Variants in ZFP14 observed in about 807,000 individuals in gnomAD.
The protein encoded by ZFP14 is zinc finger protein 14 homolog.
Under a neutral mutation model 54.5 loss-of-function variants are expected in ZFP14, and 22 were observed. The observed-to-expected ratio is 0.40, with a 90% confidence interval of 0.29 to 0.58. The LOEUF is 0.58. ZFP14 is among the 20% of genes least tolerant of loss of function. ZFP14 has a pLI of 0.39. For missense variants in ZFP14, 470 were observed against 637.8 expected, an observed-to-expected ratio of 0.74 and a Z score of 2.83; for synonymous variants, 159 against 204.0, an observed-to-expected ratio of 0.78 and a Z score of 1.88.
chr19:36,363,294 C>T (rs2031740289), intron 2 of ZFP14, among the ~76,000 whole-genome samples: 1 of 149,568 alleles, frequency 6.7e-6, no homozygotes, highest in African/African-American at 2.5e-5. Context: ...CCCAGGTTCA[C>T]GCCATTCTCC....
intron 4 of ZFP14, among the ~76,000 whole-genome samples, chr19:36,349,231 CAAAAAAAAAAACAAAAAAAAAAAAACAA>C (rs1305952115): frequency 4.7e-4 from 2 of 4,264 alleles, no homozygotes; most frequent in African/African-American, 1.8e-3. Context: ...AACTCTGTCT[CAAAAAAAAAAACAAAAAAAAAAAAACAA>C]AAAAAAAAAA....
chr19:36,340,210 A>ATAAT lies in ZFP14; in HGVS notation c.*13_*14insATTA. 6.5e-7 allele frequency: 1 copy of ATAAT among 1,542,188 alleles called. No homozygotes were observed. The highest frequency in any genetic ancestry group is 8.7e-7 in the Non-Finnish European group (1 of 1,146,808). ...TGTTCTGTAACATCATATACATTTG[A>ATAAT]AGGCTTTCTTCTATTAAATTCCATT... On this transcript the variant is annotated 3_prime_UTR_variant, in exon 5 of 5. Coordinates refer to ENST00000270001, the MANE Select transcript of ZFP14 (RefSeq NM_020917.3). The surrounding 1 kb of genome is among the most constrained non-coding windows in gnomAD (Gnocchi z 5.4).
At chr19:36,363,336 C>G (rs2031740955) in intron 2 of ZFP14, among the ~76,000 whole-genome samples, 1 of 151,526 alleles carries the variant, frequency 6.6e-6, no homozygotes, top group Non-Finnish European at 1.5e-5. Flanking sequence ...TGGGACTACA[C>G]GCATCCGCCA....
intron 4 of ZFP14, among the ~76,000 whole-genome samples, chr19:36,346,673 G>A (rs2031421013): frequency 6.6e-6 from 1 of 152,126 alleles, no homozygotes; most frequent in Non-Finnish European, 1.5e-5. Flanking sequence ...GGCCAGGATG[G>A]TCTTGATCTA....
In ZFP14 at chr19:36,341,005, T is replaced by C; in HGVS notation, c.821A>G (p.His274Arg). 1 of 1,614,208 alleles carries C rather than the reference T, an allele frequency of 6.2e-7. No homozygotes were observed. The highest frequency in any genetic ancestry group is 8.5e-7 in the Non-Finnish European group (1 of 1,180,038). The part of the protein sequence containing the change: ...AFRVHQQLAR[H>R]QRIHTGEKPY... ...TTTCTCACCAGTGTGAATTCTCTGA[T>C]GTCGAGCCAGTTGCTGATGTACTCT... The change falls in exon 5 of 5, where the codon CAT (histidine) becomes CGT (arginine). Residue 274 changes from histidine (H) to arginine (R), a missense_variant. Transcript: ENST00000270001. The surrounding 1 kb of genome is among the most constrained non-coding windows in gnomAD (Gnocchi z 4.2).
intron 4 of ZFP14, among the ~76,000 whole-genome samples, chr19:36,349,650 G>C (rs1175543186): frequency 6.9e-6 from 1 of 145,334 alleles, no homozygotes; most frequent in Admixed American, 7.3e-5. Flanking sequence ...CTGGGTCGCA[G>C]AGCAAGACTC....
intron 4 of ZFP14, among the ~76,000 whole-genome samples, chr19:36,350,925 C>T (rs1410328274): frequency 7.0e-6 from 1 of 142,706 alleles, no homozygotes; most frequent in African/African-American, 2.6e-5. Flanking sequence ...CTATTCTCCA[C>T]AAAAATAAAG....
At chr19:36,378,750 A>C (rs2032002551) in intron 1 of ZFP14, 1 of 152,096 alleles carries the variant, frequency 6.6e-6, no homozygotes, top group Non-Finnish European at 1.5e-5. Context: ...CCCTCCGTCT[A>C]CTGCGCGCAA....
chr19:36,375,892 C>T (rs1176330549), intron 1 of ZFP14, among the ~76,000 whole-genome samples: 1 of 151,606 alleles, frequency 6.6e-6, no homozygotes, highest in Non-Finnish European at 1.5e-5. Context: ...GGGGTTTCGC[C>T]ATTTTGGCCA....
intron 1 of ZFP14, among the ~76,000 whole-genome samples, chr19:36,373,682 T>G (rs1379282164): frequency 5.9e-5 from 9 of 151,964 alleles, no homozygotes; most frequent in Non-Finnish European, 1.2e-4. Context: ...AAAAATAATT[T>G]TAATACTAAA....
chr19:36,350,889 G>A (rs1312910625), intron 4 of ZFP14, among the ~76,000 whole-genome samples: 2 of 143,066 alleles, frequency 1.4e-5, no homozygotes, highest in African/African-American at 5.1e-5. Context: ...TATTTGCTAA[G>A]AGAAAATAAC....
chr19:36,375,957 T>A (rs1293027087), intron 1 of ZFP14, among the ~76,000 whole-genome samples: 11 of 152,018 alleles, frequency 7.2e-5, no homozygotes, highest in Admixed American at 7.2e-4. Flanking sequence ...CCTCCCAAAG[T>A]GCTGAGATTA....
Position 36,339,193 on chromosome 19 carries a change from T to C in ZFP14, c.*1031A>G, listed in dbSNP as rs993875182. On this transcript the variant is annotated 3_prime_UTR_variant, in exon 5 of 5. Coordinates refer to ENST00000270001, the MANE Select transcript of ZFP14 (RefSeq NM_020917.3). ...ACAGGAGGCATTTCTACATTTATTA[T>C]GTCTACAGATCTTCCTTTTACGTGA... 5 of 152,354 alleles carry C rather than the reference T, an allele frequency of 3.3e-5. No individual in the cohort carries two copies. The East Asian group carries it at 7.7e-4, about 23-fold the overall frequency. The allele number at this position is 152,354 out of a possible 1,614,324, so 9.4% of individuals were successfully genotyped here.
intron 4 of ZFP14, among the ~76,000 whole-genome samples, chr19:36,342,937 C>G (rs921544303): frequency 3.3e-4 from 50 of 152,312 alleles, no homozygotes; most frequent in African/African-American, 1.2e-3. Context: ...ATACACAATT[C>G]TTTTGCCACT....
chr19:36,372,038 GAAA>G (rs1175848878), intron 1 of ZFP14, among the ~76,000 whole-genome samples: 1 of 84,610 alleles, frequency 1.2e-5, no homozygotes, highest in Non-Finnish European at 2.4e-5. Context: ...GAGAAAGAAA[GAAA>G]AAAGAGAGGA....
chr19:36,358,246 G>A (rs988146336), intron 4 of ZFP14, among the ~76,000 whole-genome samples: 9 of 151,760 alleles, frequency 5.9e-5, no homozygotes, highest in African/African-American at 4.8e-5. Flanking sequence ...GACTAGCTGG[G>A]ATTACAGGCG....
chr19:36,348,169 T>C (rs2031452970), intron 4 of ZFP14, among the ~76,000 whole-genome samples: 1 of 151,936 alleles, frequency 6.6e-6, no homozygotes, highest in African/African-American at 2.4e-5. Context: ...AACAGAAAAA[T>C]AAGTAATTGG....
Position 36,367,960 on chromosome 19 carries a change from G to A in ZFP14, c.-68C>T, listed in dbSNP as rs2031821302. The A allele has an allele frequency of 6.5e-7, 1 of 1,542,044 alleles. No homozygotes were observed. Among genetic ancestry groups the A allele is most frequent in the South Asian group, 1.3e-5 (1 of 79,186 alleles). ...CTCTGTTGGAGAACTATGGAGTCCTGATAAGCCAGAGCTGAAAGAAGAAAA... is the reference window on the plus strand; with the variant it reads ...CTCTGTTGGAGAACTATGGAGTCCTAATAAGCCAGAGCTGAAAGAAGAAAA... On this transcript the variant is annotated 5_prime_UTR_variant, in exon 2 of 5. Transcript: ENST00000270001.
chr19:36,374,949 T>A (rs2031937287), intron 1 of ZFP14, among the ~76,000 whole-genome samples: 2 of 148,490 alleles, frequency 1.3e-5, no homozygotes, highest in African/African-American at 5.0e-5. Flanking sequence ...TCTGAGTGGC[T>A]TTTTTTTTTA....
Sources: gnomAD v4.1 joint callset for allele counts (sites outside exome capture counted in the v4.1 genomes callset) on GRCh38, gnomAD v4.1.1 for gene constraint, Gnocchi (gnomAD v3.1) non-coding constraint, MANE v1.5 for transcripts, NCBI Gene and HGNC (gene_info 2026-07-23, HGNC 2026-07-21) for gene names.